Variants in SLC9C2 observed in about 807,000 individuals in gnomAD.
SLC9C2 encodes the protein solute carrier family 9 member C2 (putative), also known as sodium/hydrogen exchanger 11.
A neutral mutation model predicts 140.2 loss-of-function variants in SLC9C2; 75 were observed. That is an observed-to-expected ratio of 0.53 (90% CI 0.44 to 0.65). SLC9C2 has a LOEUF of 0.65. Ranked by LOEUF, SLC9C2 falls within the 30% of genes least tolerant of loss-of-function variation. The pLI is 0.00. For missense variants in SLC9C2, 1,074 were observed against 1,331.8 expected (o/e 0.81, Z 3.01); for synonymous variants, 375 against 420.9 (o/e 0.89, Z 1.34).
intron 13 of SLC9C2, among the ~76,000 whole-genome samples, chr1:173,539,017 C>T (rs1662182243): frequency 1.3e-5 from 2 of 152,150 alleles, no homozygotes; most frequent in Non-Finnish European, 2.9e-5. Flanking sequence ...TGGAGAATCT[C>T]AATGTATATC....
chr1:173,517,224 G>C (rs1660484301), intron 23 of SLC9C2, among the ~76,000 whole-genome samples: 1 of 152,116 alleles, frequency 6.6e-6, no homozygotes, highest in Admixed American at 6.6e-5. Flanking sequence ...CATTTATTGA[G>C]CACCTATATG....
At chr1:173,571,392 C>T (rs1362598685) in intron 9 of SLC9C2, 1 of 152,204 alleles carries the variant, frequency 6.6e-6, no homozygotes, top group Non-Finnish European at 1.5e-5. Context: ...ACATACCAGG[C>T]TGGCCCTTCC....
chr1:173,572,374 TGA>T (rs1238884169), intron 9 of SLC9C2, among the ~76,000 whole-genome samples: 2 of 151,984 alleles, frequency 1.3e-5, no homozygotes, highest in Non-Finnish European at 2.9e-5. Flanking sequence ...GCCTTCTGTG[TGA>T]GAGTGACTAT....
chr1:173,546,568 C>T (rs766426271), intron 13 of SLC9C2, among the ~76,000 whole-genome samples: 2 of 151,900 alleles, frequency 1.3e-5, no homozygotes, highest in Non-Finnish European at 2.9e-5. Flanking sequence ...ATGACAGAGT[C>T]AGACTTTGTT....
intron 9 of SLC9C2, among the ~76,000 whole-genome samples, chr1:173,571,187 C>G (rs372171118): frequency 6.6e-6 from 1 of 152,184 alleles, no homozygotes; most frequent in Non-Finnish European, 1.5e-5. Flanking sequence ...TTCCCCTTCA[C>G]AAATCCCATT....
At chr1:173,517,036 G>A (rs1241266935) in intron 23 of SLC9C2, among the ~76,000 whole-genome samples, 1 of 151,996 alleles carries the variant, frequency 6.6e-6, no homozygotes, top group African/African-American at 2.4e-5. Flanking sequence ...ATCTCATTGT[G>A]GTTTTGATTT....
At chr1:173,602,723 A>G (rs1338099159) in intron 1 of SLC9C2, 28 bp downstream of exon 1, 1 of 152,200 alleles carries the variant, frequency 6.6e-6, no homozygotes, top group African/African-American at 2.4e-5. Context: ...AGGTTCCTCA[A>G]GTATCTCCAA....
intron 24 of SLC9C2, among the ~76,000 whole-genome samples, chr1:173,509,160 A>G (rs1178764984): frequency 6.6e-6 from 1 of 152,042 alleles, no homozygotes; most frequent in African/African-American, 2.4e-5. Context: ...AAGCAGACAC[A>G]GGGCCAGGCA....
chr1:173,561,840 GATACACACACACACAGACAC>G, intron 9 of SLC9C2, among the ~76,000 whole-genome samples: 1 of 135,432 alleles, frequency 7.4e-6, no homozygotes, highest in East Asian at 2.6e-4. Context: ...AATCACATAA[GATACACACACACACAGACAC>G]AGACACACAC....
intron 9 of SLC9C2, among the ~76,000 whole-genome samples, chr1:173,563,220 G>C (rs1274052133): frequency 6.6e-6 from 1 of 151,770 alleles, no homozygotes; most frequent in African/African-American, 2.4e-5. Flanking sequence ...GCTGATGAGG[G>C]GGGCAGGGCC....
In SLC9C2 at chr1:173,581,198, G is replaced by A. The variant is rs1267482518; in HGVS notation, c.802+649C>T. On this transcript the variant is annotated intron_variant, in intron 7 of 27. Coordinates refer to ENST00000367714, the MANE Select transcript of SLC9C2 (RefSeq NM_178527.4). ...TTCACTGTCTGAGATGAGAGCAAAA[G>A]TGGAATTTGACAGTTTGGCCACAGT... 3.3e-5 allele frequency among the ~76,000 whole-genome samples: 5 copies of A among 152,320 alleles called. No individual in the cohort carries two copies. The East Asian group carries it at 5.8e-4, about 18-fold the overall frequency.
chr1:173,514,471 AC>A (rs1384633151), intron 23 of SLC9C2, among the ~76,000 whole-genome samples: 2 of 148,158 alleles, frequency 1.3e-5, no homozygotes, highest in East Asian at 3.9e-4. Flanking sequence ...TAGTATTTCA[AC>A]CCCTGCTTTT....
At chr1:173,579,014 C>A (rs369074888) in intron 7 of SLC9C2, among the ~76,000 whole-genome samples, 1 of 152,212 alleles carries the variant, frequency 6.6e-6, no homozygotes, top group Non-Finnish European at 1.5e-5. Context: ...AGCGGCACAG[C>A]GCTGCCTTGA....
intron 11 of SLC9C2, among the ~76,000 whole-genome samples, chr1:173,550,943 G>A (rs539609294): frequency 6.7e-6 from 1 of 148,872 alleles, no homozygotes; most frequent in South Asian, 2.2e-4. Context: ...GAGGGGAGGG[G>A]AGGGGAGCAA....
At chr1:173,536,193 C>A (rs1661942631) in intron 14 of SLC9C2, among the ~76,000 whole-genome samples, 1 of 123,722 alleles carries the variant, frequency 8.1e-6, no homozygotes, top group South Asian at 2.7e-4. Flanking sequence ...CTTCTCTAGA[C>A]CATTTGGAGT....
In SLC9C2 at chr1:173,524,214, T is replaced by C. The variant is rs536415876; in HGVS notation, c.2515-120A>G. On this transcript the variant is annotated intron_variant, in intron 20 of 27. Transcript: ENST00000367714. ...GGCAAGTTTAACCTTGATTGTTGAC[T>C]CACAGCTTGTCTCATCCTATCTAAA... 72 of 896,914 alleles carry C rather than the reference T, an allele frequency of 8.0e-5. No individual in the cohort carries two copies. The African/African-American group carries it at 1.2e-3, about 15-fold the overall frequency. 55.6% of individuals were successfully genotyped at this position (896,914 alleles called of 1,614,324 possible).
intron 11 of SLC9C2, among the ~76,000 whole-genome samples, chr1:173,552,486 T>C (rs1663381062): frequency 6.6e-6 from 1 of 152,232 alleles, no homozygotes; most frequent in African/African-American, 2.4e-5. Context: ...TAACTCTTGT[T>C]AGGGGCTAAT....
intron 9 of SLC9C2, among the ~76,000 whole-genome samples, chr1:173,565,973 T>C (rs932274214): frequency 2.6e-5 from 4 of 152,184 alleles, no homozygotes; most frequent in African/African-American, 4.8e-5. Flanking sequence ...ATATGATGTA[T>C]CACATAGATT....
chr1:173,519,739 G>A (rs1377445033), intron 22 of SLC9C2, among the ~76,000 whole-genome samples: 1 of 152,194 alleles, frequency 6.6e-6, no homozygotes, highest in Admixed American at 6.5e-5. Context: ...TAATGGCTAA[G>A]CACATGGATA....
Sources: allele counts gnomAD v4.1 joint callset (sites outside exome capture counted in the v4.1 genomes callset), GRCh38; gene constraint gnomAD v4.1.1; transcripts MANE v1.5; gene names NCBI Gene and HGNC (gene_info 2026-07-23, HGNC 2026-07-21).